Variants in ZDHHC12 observed in about 807,000 individuals in gnomAD.
The protein encoded by ZDHHC12 is palmitoyltransferase ZDHHC12.
In ZDHHC12, 26 loss-of-function variants were observed where a neutral mutation model predicts 33.2. The ratio of observed to expected loss-of-function variants is 0.78; its 90% CI spans 0.57 to 1.09. ZDHHC12 has a LOEUF of 1.09. Ranked by LOEUF, ZDHHC12 falls within the 50% of genes least tolerant of loss-of-function variation. The pLI, the probability that ZDHHC12 is intolerant of heterozygous loss-of-function variation, is 0.00. For missense variants in ZDHHC12, 350 were observed against 353.0 expected, an observed-to-expected ratio of 0.99 and a Z score of 0.07; for synonymous variants, 154 against 152.1, an observed-to-expected ratio of 1.01 and a Z score of -0.09.
At position 128,721,910 on chromosome 9, in the gene ZDHHC12, T is replaced by C. The variant is rs1430724816; in HGVS notation, c.316-93A>G. 66 of 1,603,436 alleles carry C rather than the reference T, an allele frequency of 4.1e-5. No individual in the cohort carries two copies. The highest frequency in any genetic ancestry group is 5.1e-5 in the Non-Finnish European group (60 of 1,173,618). On this transcript the variant is annotated intron_variant, in intron 3 of 4. Coordinates refer to ENST00000372663, the MANE Select transcript of ZDHHC12 (RefSeq NM_032799.5). The surrounding 1 kb of genome is among the most constrained non-coding windows in gnomAD (Gnocchi z 6.9). Reference sequence around the variant, plus strand: ...ATCAGGGCCTGATTCTGGAAGGCCTTCTTGGAGGAGGGGCGAGGCCCAGGC... The same window carrying C: ...ATCAGGGCCTGATTCTGGAAGGCCTCCTTGGAGGAGGGGCGAGGCCCAGGC...
rs966105934 is a variant in ZDHHC12 at position 128,723,884 on chromosome 9, G to C, written c.100+110C>G. 10 of 1,468,442 alleles carry C rather than the reference G, an allele frequency of 6.8e-6. No individual in the cohort carries two copies. The African/African-American group carries it at 1.3e-4, about 19-fold the overall frequency. 91.0% of individuals were successfully genotyped at this position (1,468,442 alleles called of 1,614,324 possible). A position where few individuals can be genotyped will look rare whatever the true frequency, so the allele number is the denominator to read the frequency against. On this transcript the variant is annotated intron_variant, in intron 1 of 4. Coordinates refer to ENST00000372663, the MANE Select transcript of ZDHHC12 (RefSeq NM_032799.5). The surrounding 1 kb of genome is among the most constrained non-coding windows in gnomAD (Gnocchi z 4.4). The stretch of plus-strand genomic sequence containing the variant: ...AGGGCTTCAGGAGCTGGTGGAGATC[G>C]GGCCAATCCCAGGATCTCCAGGGAT...
At position 128,723,907 on chromosome 9, in the gene ZDHHC12, G is replaced by C. The variant is rs1458139055; in HGVS notation, c.100+87C>G. The C allele has an allele frequency of 1.3e-6, 2 of 1,524,520 alleles. No homozygotes were observed. The highest frequency in any genetic ancestry group is 2.4e-5 in the South Asian group (2 of 82,184). The allele number at this position is 1,524,520 out of a possible 1,614,324, so 94.4% of individuals were successfully genotyped here. A position where few individuals can be genotyped will look rare whatever the true frequency, so the allele number is the denominator to read the frequency against. Reference sequence around the variant, plus strand: ...TCGGGCCAATCCCAGGATCTCCAGGGATTAGGCGGGAGACCCAGTGTGACC... The same window carrying C: ...TCGGGCCAATCCCAGGATCTCCAGGCATTAGGCGGGAGACCCAGTGTGACC... On this transcript the variant is annotated intron_variant, in intron 1 of 4. Transcript: ENST00000372663. This position sits in a 1 kb window ranked among gnomAD's most constrained non-coding sequence, Gnocchi z 4.4.
In ZDHHC12 at chr9:128,721,768, C is replaced by G; in HGVS notation, c.365G>C (p.Arg122Pro). Residue 122 changes from arginine to proline, a missense_variant, in exon 4 of 5, where the codon CGC (arginine) becomes CCC (proline). By Grantham distance (103) the Arg-to-Pro change is moderately radical. Transcript: ENST00000372663. The surrounding 1 kb of genome is among the most constrained non-coding windows in gnomAD (Gnocchi z 6.9). ...CATCCAGGGGCAGTGGTGGTCGTAGCGGCGGACGCAACGGCGGCACTCACG... is the reference window on the plus strand; with the variant it reads ...CATCCAGGGGCAGTGGTGGTCGTAGGGGCGGACGCAACGGCGGCACTCACG... ...HCRECRRCVR[R>P]YDHHCPWMEN... is the part of the protein sequence containing the mutation. 6.2e-7 allele frequency: 1 copy of G among 1,613,638 alleles called. No homozygotes were observed. The highest frequency in any genetic ancestry group is 8.5e-7 in the Non-Finnish European group (1 of 1,179,960).
At position 128,721,258 on chromosome 9, in the gene ZDHHC12, A is replaced by G; in HGVS notation, c.727T>C (p.Phe243Leu). ...RGLTRNLAHF[F>L]CGWPSGSWET... The stretch of plus-strand genomic sequence containing the variant: ...CAGGACCCTGAGGGCCATCCACAGA[A>G]GAAGTGGGCCAGGTTGCGGGTCAGG... Residue 243 changes from phenylalanine (F) to leucine (L), a missense_variant, in exon 5 of 5, where the codon TTC (phenylalanine) becomes CTC (leucine). Transcript: ENST00000372663. This position sits in a 1 kb window ranked among gnomAD's most constrained non-coding sequence, Gnocchi z 6.9. The G allele has an allele frequency of 1.9e-6, 3 of 1,605,442 alleles. No homozygotes were observed. The highest frequency in any genetic ancestry group is 2.6e-6 in the Non-Finnish European group (3 of 1,176,178).
rs774611376 is a variant in ZDHHC12, at chr9:128,722,003, A to C, written c.315+6T>G. The C allele has an allele frequency of 6.2e-6, 10 of 1,613,708 alleles. No homozygotes were observed. Among genetic ancestry groups the C allele is most frequent in the Non-Finnish European group, 7.6e-6 (9 of 1,179,904 alleles). Reference sequence around the variant, plus strand: ...CCTCTCCCACGGGTGTCCGTGCATCACTCACCAGCACCAGGCAGTATCTGC... The same window carrying C: ...CCTCTCCCACGGGTGTCCGTGCATCCCTCACCAGCACCAGGCAGTATCTGC... On this transcript the variant is annotated splice_donor_region_variant and intron_variant, in intron 3 of 4. Coordinates refer to ENST00000372663, the MANE Select transcript of ZDHHC12 (RefSeq NM_032799.5). This position sits in a 1 kb window ranked among gnomAD's most constrained non-coding sequence, Gnocchi z 4.2.
At position 128,721,007 on chromosome 9, in the gene ZDHHC12, C is replaced by T. The variant is rs768711911; in HGVS notation, c.*174G>A. The T allele has an allele frequency of 1.1e-5, 8 of 736,024 alleles. No homozygotes were observed. Among genetic ancestry groups the T allele is most frequent in the Admixed American group, 3.2e-5 (1 of 31,358 alleles). 45.6% of individuals were successfully genotyped at this position (736,024 alleles called of 1,614,324 possible). A position where few individuals can be genotyped will look rare whatever the true frequency, so the allele number is the denominator to read the frequency against. The stretch of plus-strand genomic sequence containing the variant: ...ACAGGTCCTTTTCTTCCCCTTCTTC[C>T]TTGGAAGGCAGAACTGCCCACCAAG... On this transcript the variant is annotated 3_prime_UTR_variant, in exon 5 of 5. Coordinates refer to ENST00000372663, the MANE Select transcript of ZDHHC12 (RefSeq NM_032799.5). This position sits in a 1 kb window ranked among gnomAD's most constrained non-coding sequence, Gnocchi z 6.9.
Position 128,721,746 on chromosome 9 carries a change from C to A in ZDHHC12, c.387G>T (p.Trp129Cys). 1.2e-6 allele frequency: 2 copies of A among 1,613,886 alleles called. No individual in the cohort carries two copies. The highest frequency in any genetic ancestry group is 2.2e-5 in the South Asian group (2 of 91,078). The change falls in exon 4 of 5, where the codon TGG becomes TGT. Residue 129 changes from tryptophan to cysteine, a missense_variant. Coordinates refer to ENST00000372663, the MANE Select transcript of ZDHHC12 (RefSeq NM_032799.5). The surrounding 1 kb of genome is among the most constrained non-coding windows in gnomAD (Gnocchi z 6.9). ...TGCGCTCTCCCACACAGTTCTCCATCCAGGGGCAGTGGTGGTCGTAGCGGC... is the reference window on the plus strand; with the variant it reads ...TGCGCTCTCCCACACAGTTCTCCATACAGGGGCAGTGGTGGTCGTAGCGGC... ...CVRRYDHHCP[W>C]MENCVGERNH...
Position 128,723,965 on chromosome 9 carries a change from G to C in ZDHHC12, c.100+29C>G, listed in dbSNP as rs1179878349. 2.5e-6 allele frequency: 4 copies of C among 1,602,058 alleles called. No homozygotes were observed. The African/African-American group carries it at 4.0e-5, about 16-fold the overall frequency. On this transcript the variant is annotated intron_variant, in intron 1 of 4. Transcript: ENST00000372663. This position sits in a 1 kb window ranked among gnomAD's most constrained non-coding sequence, Gnocchi z 4.4. ...CTGGGGAAGTACGCGGGATCGGGTG[G>C]GTCCGGGGTCGCTCGGGGTCCGGCT...
In ZDHHC12 at chr9:128,721,418, G is replaced by A. The variant is rs1862548304; in HGVS notation, c.567C>T (p.Leu189=). 6.3e-7 allele frequency: 1 copy of A among 1,583,174 alleles called. No homozygotes were observed. Among genetic ancestry groups the A allele is most frequent in the Non-Finnish European group, 8.6e-7 (1 of 1,165,096 alleles). The change falls in exon 5 of 5, where the codon CTC becomes CTT. Residue 189 remains leucine (L), a synonymous_variant. Coordinates refer to ENST00000372663, the MANE Select transcript of ZDHHC12 (RefSeq NM_032799.5). The surrounding 1 kb of genome is among the most constrained non-coding windows in gnomAD (Gnocchi z 6.9). ...LLFATFLLLS[L]FSLVASLLLV... ...GGAGCAGGCTGGCCACCAACGAGAA[G>A]AGGGACAGCAGCAGGAAGGTGGCGA... is the stretch of plus-strand genomic sequence containing the variant.
rs142134543 is a variant in ZDHHC12 at position 128,721,809 on chromosome 9, C to T, written c.324G>A (p.Leu108=). 7 of 1,612,690 alleles carry T rather than the reference C, an allele frequency of 4.3e-6. No individual in the cohort carries two copies. Among genetic ancestry groups the T allele is most frequent in the Non-Finnish European group, 5.9e-6 (7 of 1,179,612 alleles). Residue 108 remains leucine, a synonymous_variant, in exon 4 of 5, where the codon CTG becomes CTA. Transcript: ENST00000372663. This position sits in a 1 kb window ranked among gnomAD's most constrained non-coding sequence, Gnocchi z 6.9. ...RCRYCLVLQP[L]RARHCRECRR... is the part of the protein sequence containing the mutation. ...GGCACTCACGGCAGTGCCGAGCCCT[C>T]AGGGGCTGCTGTGGGCATGGAGGAG...
In ZDHHC12 at chr9:128,723,881, A is replaced by ATC; in HGVS notation, c.100+111_100+112dup. 6.8e-7 allele frequency: 1 copy of ATC among 1,471,126 alleles called. No homozygotes were observed. Among genetic ancestry groups the ATC allele is most frequent in the Non-Finnish European group, 9.2e-7 (1 of 1,090,054 alleles). 91.1% of individuals were successfully genotyped at this position (1,471,126 alleles called of 1,614,324 possible). On this transcript the variant is annotated intron_variant, in intron 1 of 4. Transcript: ENST00000372663. This position sits in a 1 kb window ranked among gnomAD's most constrained non-coding sequence, Gnocchi z 4.4. ...GAGAGGGCTTCAGGAGCTGGTGGAG[A>ATC]TCGGGCCAATCCCAGGATCTCCAGG...
In ZDHHC12 at chr9:128,722,751, G is replaced by GAGGGAACCATGGAAGGTTAT. The variant is rs1247550832; in HGVS notation, c.101-197_101-178dup. The GAGGGAACCATGGAAGGTTAT allele has an allele frequency of 1.4e-6, 2 of 1,437,430 alleles. No individual in the cohort carries two copies. Among genetic ancestry groups the GAGGGAACCATGGAAGGTTAT allele is most frequent in the Non-Finnish European group, 1.8e-6 (2 of 1,091,118 alleles). The allele number at this position is 1,437,430 out of a possible 1,614,324, so 89.0% of individuals were successfully genotyped here. On this transcript the variant is annotated intron_variant, in intron 1 of 4. Transcript: ENST00000372663. The surrounding 1 kb of genome is among the most constrained non-coding windows in gnomAD (Gnocchi z 4.2). ...ATCTGCACTTTTATCTGGAGGGTCA[G>GAGGGAACCATGGAAGGTTAT]AGGGAACCATGGAAGGTTATAGAGC...
chr9:128,722,289 G>T lies in ZDHHC12; in HGVS notation c.237+149C>A. The T allele has an allele frequency of 8.5e-7, 1 of 1,180,332 alleles. No individual in the cohort carries two copies. The highest frequency in any genetic ancestry group is 1.2e-6 in the Non-Finnish European group (1 of 851,194). 73.1% of individuals were successfully genotyped at this position (1,180,332 alleles called of 1,614,324 possible). A position where few individuals can be genotyped will look rare whatever the true frequency, so the allele number is the denominator to read the frequency against. ...AAGTCTCTTCCTTCTCTGGGGCCCAGCAGTTTCCTCACTACTGTAGATGGG... is the reference window on the plus strand; with the variant it reads ...AAGTCTCTTCCTTCTCTGGGGCCCATCAGTTTCCTCACTACTGTAGATGGG... On this transcript the variant is annotated intron_variant, in intron 2 of 4. Coordinates refer to ENST00000372663, the MANE Select transcript of ZDHHC12 (RefSeq NM_032799.5). The surrounding 1 kb of genome is among the most constrained non-coding windows in gnomAD (Gnocchi z 4.2).
In ZDHHC12 at chr9:128,722,838, G is replaced by T; in HGVS notation, c.101-264C>A. 3.4e-6 allele frequency: 4 copies of T among 1,166,910 alleles called. No individual in the cohort carries two copies. Among genetic ancestry groups the T allele is most frequent in the Non-Finnish European group, 4.5e-6 (4 of 884,900 alleles). The allele number at this position is 1,166,910 out of a possible 1,614,324, so 72.3% of individuals were successfully genotyped here. ...GGATCAGGGGAAGCCTGGGGGCAGA[G>T]AATCTGGCCAGGAGGAAGAAGAGAG... is the stretch of plus-strand genomic sequence containing the variant. On this transcript the variant is annotated intron_variant, in intron 1 of 4. Transcript: ENST00000372663. This position sits in a 1 kb window ranked among gnomAD's most constrained non-coding sequence, Gnocchi z 4.2.
Position 128,722,690 on chromosome 9 carries a change from TTGGTTCCATGAG to T in ZDHHC12, c.101-128_101-117del. 6.7e-7 allele frequency: 1 copy of T among 1,489,976 alleles called. No individual in the cohort carries two copies. The highest frequency in any genetic ancestry group is 9.0e-7 in the Non-Finnish European group (1 of 1,114,176). 92.3% of individuals were successfully genotyped at this position (1,489,976 alleles called of 1,614,324 possible). ...CTGGCTGAGCAAAGGCCTGGAGATG[TTGGTTCCATGAG>T]TGGCTGTGTGTGGCCAGCAGTTCAT... is the stretch of plus-strand genomic sequence containing the variant. On this transcript the variant is annotated intron_variant, in intron 1 of 4. Transcript: ENST00000372663. This position sits in a 1 kb window ranked among gnomAD's most constrained non-coding sequence, Gnocchi z 4.2.
Position 128,722,350 on chromosome 9 carries a change from C to T in ZDHHC12, c.237+88G>A, listed in dbSNP as rs1431339676. 2 of 1,432,476 alleles carry T rather than the reference C, an allele frequency of 1.4e-6. No homozygotes were observed. Among genetic ancestry groups the T allele is most frequent in the East Asian group, 5.0e-5 (2 of 39,998 alleles). 88.7% of individuals were successfully genotyped at this position (1,432,476 alleles called of 1,614,324 possible). On this transcript the variant is annotated intron_variant, in intron 2 of 4. Coordinates refer to ENST00000372663, the MANE Select transcript of ZDHHC12 (RefSeq NM_032799.5). This position sits in a 1 kb window ranked among gnomAD's most constrained non-coding sequence, Gnocchi z 4.2. ...TGGCAAGAGGAGTCACTGAACTGCT[C>T]CCACAAGAGCCTGCAGCACAGAGCC...
At position 128,722,568 on chromosome 9, in the gene ZDHHC12, C is replaced by T. The variant is rs144514869; in HGVS notation, c.107G>A (p.Arg36Gln). 1.8e-4 allele frequency: 282 copies of T among 1,592,986 alleles called. No individual in the cohort carries two copies. Among genetic ancestry groups the T allele is most frequent in the Non-Finnish European group, 2.3e-4 (270 of 1,169,820 alleles). Residue 36 changes from arginine to glutamine, a missense_variant, in exon 2 of 5, where the codon CGG (arginine) becomes CAG (glutamine). Transcript: ENST00000372663. The surrounding 1 kb of genome is among the most constrained non-coding windows in gnomAD (Gnocchi z 4.2). Reference protein sequence around the residue: ...LVLFLHDTELRQWEEQGELLL... With the variant: ...LVLFLHDTELQQWEEQGELLL... ...CAGCTCCCCCTGCTCCTCCCATTGC[C>T]GCAGCTCTGGAGAGGCCGGAGAGCA... is the stretch of plus-strand genomic sequence containing the variant.
In ZDHHC12 at chr9:128,721,453, C is replaced by A. The variant is rs779856643; in HGVS notation, c.532G>T (p.Gly178Trp). Residue 178 changes from glycine (G) to tryptophan (W), a missense_variant, in exon 5 of 5, where the codon GGG becomes TGG. Physicochemically the swap from Gly to Trp is radical, Grantham distance 184. Coordinates refer to ENST00000372663, the MANE Select transcript of ZDHHC12 (RefSeq NM_032799.5). This position sits in a 1 kb window ranked among gnomAD's most constrained non-coding sequence, Gnocchi z 6.9. ...QPWGQWLRSSGLLFATFLLLS... is the reference protein window; with the variant it reads ...QPWGQWLRSSWLLFATFLLLS... ...AGCAGGAAGGTGGCGAACAGGAGCCCGCTGGACCGCAACCACTGACCCCAG... is the reference window on the plus strand; with the variant it reads ...AGCAGGAAGGTGGCGAACAGGAGCCAGCTGGACCGCAACCACTGACCCCAG... 4.8e-5 allele frequency: 77 copies of A among 1,588,724 alleles called. No individual in the cohort carries two copies. Among genetic ancestry groups the A allele is most frequent in the Non-Finnish European group, 6.3e-5 (74 of 1,168,388 alleles).
rs1245081450 is a variant in ZDHHC12, at chr9:128,721,178, AC to A, written c.*2del. The A allele has an allele frequency of 2.6e-6, 4 of 1,565,150 alleles. No individual in the cohort carries two copies. The highest frequency in any genetic ancestry group is 3.4e-6 in the Non-Finnish European group (4 of 1,159,772). On this transcript the variant is annotated 3_prime_UTR_variant, in exon 5 of 5. Transcript: ENST00000372663. The surrounding 1 kb of genome is among the most constrained non-coding windows in gnomAD (Gnocchi z 6.9). Reference sequence around the variant, plus strand: ...CAAGACGGTAGCCCGGCCTCCAGCAACCCTAAACAGCTGGGCTGCTGCCCTC... The same window carrying A: ...CAAGACGGTAGCCCGGCCTCCAGCAACCTAAACAGCTGGGCTGCTGCCCTC...
Sources: gnomAD v4.1 joint callset for allele counts on GRCh38, gnomAD v4.1.1 for gene constraint, Gnocchi (gnomAD v3.1) non-coding constraint, MANE v1.5 for transcripts, NCBI Gene and HGNC (gene_info 2026-07-23, HGNC 2026-07-21) for gene names.